CCDC148: variants seen among roughly 807,000 people sequenced by gnomAD.
CCDC148 encodes coiled-coil domain containing 148, also known as coiled-coil domain-containing protein 148.
CCDC148 carries 89 observed loss-of-function variants against 85.7 expected under a neutral mutation model. The ratio of observed to expected loss-of-function variants is 1.04; its 90% CI spans 0.87 to 1.24. CCDC148 has a LOEUF of 1.24. CCDC148 is among the 50% of genes most tolerant of loss of function. CCDC148 has a pLI of 0.00. For missense variants in CCDC148, 692 were observed against 671.7 expected (o/e 1.03, Z -0.33); for synonymous variants, 230 against 213.9 (o/e 1.08, Z -0.66).
At position 158,223,936 on chromosome 2, in the gene CCDC148, G is replaced by C. The variant is rs541077716; in HGVS notation, c.1252-3223C>G. 1.2e-4 allele frequency among the ~76,000 whole-genome samples: 19 copies of C among 152,352 alleles called. No homozygotes were observed. In the South Asian group the frequency reaches 3.1e-3, roughly 25 times the overall value. On this transcript the variant is annotated intron_variant, in intron 10 of 13. Coordinates refer to ENST00000283233, the MANE Select transcript of CCDC148 (RefSeq NM_138803.4). ...GCCTCTCCTTCTCCAAAGGAATGCA[G>C]CTCCTTGCCAGCAATGGAACAAAGC...
chr2:158,281,546 C>T (rs1023298865), intron 9 of CCDC148, among the ~76,000 whole-genome samples: 9 of 151,982 alleles, frequency 5.9e-5, no homozygotes, highest in South Asian at 2.1e-4. Context: ...ATAAATTCCT[C>T]GACACATACA....
intron 9 of CCDC148, among the ~76,000 whole-genome samples, chr2:158,267,273 C>A (rs1166956582): frequency 6.6e-6 from 1 of 152,070 alleles, no homozygotes; most frequent in African/African-American, 2.4e-5. Flanking sequence ...GAATGCCCTG[C>A]CACACCTACA....
intron 2 of CCDC148, among the ~76,000 whole-genome samples, chr2:158,357,509 G>T (rs1225953152): frequency 6.6e-6 from 1 of 152,094 alleles, no homozygotes; most frequent in East Asian, 1.9e-4. Context: ...ACAATAAACA[G>T]AAGTCAGGAA....
intron 9 of CCDC148, among the ~76,000 whole-genome samples, chr2:158,252,535 T>C (rs548571459): frequency 7.5e-4 from 114 of 151,892 alleles, no homozygotes; most frequent in Non-Finnish European, 1.5e-3. Context: ...ACCCAAAAGA[T>C]AGTTTTCTGT....
chr2:158,424,985 A>G (rs1687008086), intron 1 of CCDC148: 1 of 371,300 alleles, frequency 2.7e-6, no homozygotes, highest in Non-Finnish European at 5.3e-6. Flanking sequence ...AAAGAGATAT[A>G]GAAGCTGCAA....
chr2:158,202,523 C>G (rs1383399875), intron 11 of CCDC148, among the ~76,000 whole-genome samples: 2 of 152,194 alleles, frequency 1.3e-5, no homozygotes, highest in African/African-American at 2.4e-5. Flanking sequence ...TTCCACCATC[C>G]TGCTAGACCT....
intron 1 of CCDC148, among the ~76,000 whole-genome samples, chr2:158,401,446 G>A (rs184246314): frequency 2.8e-4 from 42 of 152,144 alleles, no homozygotes; most frequent in African/African-American, 8.7e-4. Context: ...AAAATATCAC[G>A]AAGACAGAAA....
At chr2:158,449,665 T>C (rs771738268) in intron 1 of CCDC148, among the ~76,000 whole-genome samples, 40 of 152,106 alleles carry the variant, frequency 2.6e-4, no homozygotes, top group Non-Finnish European at 5.6e-4. Flanking sequence ...GCCAGGCTGG[T>C]CTTGAACTCC....
chr2:158,178,635 T>C (rs1319827799), intron 12 of CCDC148, among the ~76,000 whole-genome samples: 2 of 152,128 alleles, frequency 1.3e-5, no homozygotes, highest in South Asian at 2.1e-4. Context: ...GATATAGATA[T>C]AGTTAAATCT....
At chr2:158,323,451 C>A (rs893771660) in intron 7 of CCDC148, among the ~76,000 whole-genome samples, 4 of 152,232 alleles carry the variant, frequency 2.6e-5, no homozygotes, top group African/African-American at 9.6e-5. Flanking sequence ...TTTAATACAG[C>A]AACTTGAAAC....
intron 1 of CCDC148, among the ~76,000 whole-genome samples, chr2:158,432,372 CAAA>C (rs1687396380): frequency 6.6e-6 from 1 of 151,948 alleles, no homozygotes; most frequent in African/African-American, 2.4e-5. Flanking sequence ...ATGGTATTTA[CAAA>C]AAGCCCACTT....
At chr2:158,184,794 G>A (rs1002834528) in intron 11 of CCDC148, among the ~76,000 whole-genome samples, 3 of 152,094 alleles carry the variant, frequency 2.0e-5, no homozygotes, top group Admixed American at 2.0e-4. Flanking sequence ...TCAAATGAGC[G>A]TACATCAAAA....
chr2:158,231,696 C>T (rs1264837450), intron 10 of CCDC148, among the ~76,000 whole-genome samples: 1 of 152,104 alleles, frequency 6.6e-6, no homozygotes, highest in African/African-American at 2.4e-5. Context: ...ATCTTTGTAT[C>T]CTTAGTACAT....
In CCDC148 at chr2:158,194,803, T is replaced by C. The variant is rs977290813; in HGVS notation, c.1371-15807A>G. Among the ~76,000 whole-genome samples, 5 of 152,120 alleles carry C rather than the reference T, an allele frequency of 3.3e-5. No homozygotes were observed. In the South Asian group the frequency reaches 8.3e-4, roughly 25 times the overall value. Reference sequence around the variant, plus strand: ...TATATTGAAATGCCTGGTCCACAGTTCACTTGATTTTTTATTTTGAATGGT... The same window carrying C: ...TATATTGAAATGCCTGGTCCACAGTCCACTTGATTTTTTATTTTGAATGGT... On this transcript the variant is annotated intron_variant, in intron 11 of 13. Coordinates refer to ENST00000283233, the MANE Select transcript of CCDC148 (RefSeq NM_138803.4).
chr2:158,394,563 G>T (rs747134262), intron 1 of CCDC148, among the ~76,000 whole-genome samples: 3 of 151,692 alleles, frequency 2.0e-5, no homozygotes, highest in Non-Finnish European at 4.4e-5. Flanking sequence ...GGAATTCTGA[G>T]TACTGAATCA....
Position 158,340,691 on chromosome 2 carries a change from T to C in CCDC148, c.252-11A>G. On this transcript the variant is annotated splice_polypyrimidine_tract_variant and intron_variant, in intron 3 of 13. Coordinates refer to ENST00000283233, the MANE Select transcript of CCDC148 (RefSeq NM_138803.4). ...GATTCCATTTTACATCTGAAATAGA[T>C]GTGATCTCAATAAATGTTACAATCA... 1 of 1,432,076 alleles carries C rather than the reference T, an allele frequency of 7.0e-7. No individual in the cohort carries two copies. The highest frequency in any genetic ancestry group is 9.7e-7 in the Non-Finnish European group (1 of 1,033,762). The allele number at this position is 1,432,076 out of a possible 1,614,324, so 88.7% of individuals were successfully genotyped here. A position where few individuals can be genotyped will look rare whatever the true frequency, so the allele number is the denominator to read the frequency against.
chr2:158,292,216 T>C (rs548658510), intron 9 of CCDC148, among the ~76,000 whole-genome samples: 1 of 152,202 alleles, frequency 6.6e-6, no homozygotes, highest in African/African-American at 2.4e-5. Context: ...CAATATACAT[T>C]ATTTTAGACA....
intron 7 of CCDC148, among the ~76,000 whole-genome samples, chr2:158,328,185 C>T (rs1692887587): frequency 6.6e-6 from 1 of 152,068 alleles, no homozygotes; most frequent in East Asian, 1.9e-4. Context: ...CACAACAGGC[C>T]CCAGTGTGCG....
chr2:158,399,660 C>T (rs1685686352), intron 1 of CCDC148, among the ~76,000 whole-genome samples: 2 of 152,060 alleles, frequency 1.3e-5, no homozygotes, highest in South Asian at 2.1e-4. Context: ...AAACCCACAG[C>T]CAATATCATA....
Sources: gnomAD v4.1 joint callset for allele counts (sites outside exome capture counted in the v4.1 genomes callset) on GRCh38, gnomAD v4.1.1 for gene constraint, MANE v1.5 for transcripts, NCBI Gene and HGNC (gene_info 2026-07-23, HGNC 2026-07-21) for gene names.